The following FBXO16 variants were observed in gnomAD, a reference collection of about 807,000 sequenced individuals.
FBXO16 encodes F-box protein 16.
FBXO16 carries 31 observed loss-of-function variants against 41.0 expected under a neutral mutation model. The observed-to-expected ratio is 0.76, with a 90% CI of 0.57 to 1.02. The LOEUF (loss-of-function observed/expected upper bound fraction) is 1.02. Among genes scored for constraint, FBXO16 ranks in the 50% least tolerant of loss-of-function variants. The pLI is 0.00. For missense variants in FBXO16, 361 were observed against 346.2 expected (o/e 1.04, Z -0.34); for synonymous variants, 133 against 117.8 (o/e 1.13, Z -0.84).
At chr8:28,430,193 C>T (rs1179986821) in intron 7 of FBXO16, among the ~76,000 whole-genome samples, 1 of 152,204 alleles carries the variant, frequency 6.6e-6, no homozygotes, top group Non-Finnish European at 1.5e-5. Context: ...CCACCTCAGC[C>T]TCCCGAGTAG....
intron 7 of FBXO16, among the ~76,000 whole-genome samples, chr8:28,437,407 G>A (rs1029835920): frequency 2.0e-5 from 3 of 152,184 alleles, no homozygotes; most frequent in African/African-American, 4.8e-5. Context: ...GCTCACCTGA[G>A]AGTTGATTTT....
intron 7 of FBXO16, among the ~76,000 whole-genome samples, chr8:28,444,821 C>G (rs1364435880): frequency 8.8e-6 from 1 of 113,210 alleles, no homozygotes; most frequent in Non-Finnish European, 1.7e-5. Context: ...TTAGTAGAGA[C>G]AGGGTTTCAC....
At chr8:28,434,886 G>A (rs1335098654) in intron 7 of FBXO16, among the ~76,000 whole-genome samples, 7 of 152,388 alleles carry the variant, frequency 4.6e-5, no homozygotes, top group South Asian at 2.1e-4. Flanking sequence ...TCAAGGGAAC[G>A]TGGTGGCTCC....
intron 2 of FBXO16, among the ~76,000 whole-genome samples, chr8:28,475,288 T>C (rs1803406499): frequency 6.6e-6 from 1 of 152,190 alleles, no homozygotes; most frequent in Non-Finnish European, 1.5e-5. Flanking sequence ...AAATAACTGG[T>C]TCAACCACCA....
rs549101068 is a variant in FBXO16 at position 28,489,075 on chromosome 8, C to A, written c.-17+1111G>T. On this transcript the variant is annotated intron_variant, in intron 1 of 8. Transcript: ENST00000380254. ...GTGGGGAGCAGTTTAAGGATTAAAA[C>A]TTGTAGAAATGTTTGGGAGGCTGAG... Among the ~76,000 whole-genome samples, 14 of 152,228 alleles carry A rather than the reference C, an allele frequency of 9.2e-5. No homozygotes were observed. The East Asian group carries it at 2.7e-3, about 29-fold the overall frequency.
chr8:28,435,492 T>C (rs1370743373), intron 7 of FBXO16, among the ~76,000 whole-genome samples: 1 of 151,942 alleles, frequency 6.6e-6, no homozygotes, highest in Non-Finnish European at 1.5e-5. Context: ...GGTAATTTTA[T>C]TGAGGACAGA....
chr8:28,476,753 T>C (rs1242761686), intron 2 of FBXO16, among the ~76,000 whole-genome samples: 1 of 152,166 alleles, frequency 6.6e-6, no homozygotes, highest in Non-Finnish European at 1.5e-5. Flanking sequence ...TAATGATTGA[T>C]TGATGGTAAC....
At chr8:28,454,497 G>A (rs1043480810) in intron 5 of FBXO16, among the ~76,000 whole-genome samples, 5 of 151,640 alleles carry the variant, frequency 3.3e-5, no homozygotes, top group Admixed American at 6.6e-5. Flanking sequence ...GGGAGGCCGA[G>A]GCGGGCGGAT....
Position 28,447,240 on chromosome 8 carries a change from G to A in FBXO16, c.774C>T (p.Phe258=), listed in dbSNP as rs993968833. 1 of 1,613,704 alleles carries A rather than the reference G, an allele frequency of 6.2e-7. No individual in the cohort carries two copies. Among genetic ancestry groups the A allele is most frequent in the African/African-American group, 1.3e-5 (1 of 75,042 alleles). Residue 258 remains phenylalanine, a synonymous_variant, in exon 7 of 9, where the codon TTC becomes TTT. Transcript: ENST00000380254. The part of the protein sequence containing the change: ...RRKRNQMTPD[F]SRQSHDKKNK... The stretch of plus-strand genomic sequence containing the variant: ...TTTTCTTATCATGTGACTGTCGGCT[G>A]AAGTCTGGGGTCATTTGGTTTCTTT...
chr8:28,473,669 G>A, intron 3 of FBXO16, 103 bp downstream of exon 3: 1 of 960,244 alleles, frequency 1.0e-6, no homozygotes, highest in Non-Finnish European at 1.6e-6. Flanking sequence ...AGTAAAATAT[G>A]TCTGTTATTT....
At chr8:28,484,841 C>T (rs991137809) in intron 1 of FBXO16, among the ~76,000 whole-genome samples, 1 of 152,024 alleles carries the variant, frequency 6.6e-6, no homozygotes, top group Non-Finnish European at 1.5e-5. Context: ...GATCCACCCC[C>T]CCTGGGCCTC....
At chr8:28,449,475 T>C (rs1802918370) in intron 6 of FBXO16, among the ~76,000 whole-genome samples, 1 of 151,812 alleles carries the variant, frequency 6.6e-6, no homozygotes, top group Admixed American at 6.6e-5. Context: ...GCATGCAACA[T>C]CACATTTGGC....
In FBXO16 at chr8:28,474,475, T is replaced by TGAAAAAACTAAC. The variant is rs1356202998; in HGVS notation, c.100-680_100-669dup. 1.3e-4 allele frequency among the ~76,000 whole-genome samples: 19 copies of TGAAAAAACTAAC among 151,672 alleles called. No homozygotes were observed. The East Asian group carries it at 3.7e-3, about 29-fold the overall frequency. On this transcript the variant is annotated intron_variant, in intron 2 of 8. Coordinates refer to ENST00000380254, the MANE Select transcript of FBXO16 (RefSeq NM_172366.4). ...ATCAATTTTAGAATTTGAAAGGAGA[T>TGAAAAAACTAAC]GAAAAAACTAACGAAAAAACAGGAA...
At chr8:28,456,712 G>A in intron 5 of FBXO16, 54 bp downstream of exon 5, 10 of 1,589,050 alleles carry the variant, frequency 6.3e-6, no homozygotes, top group Non-Finnish European at 8.6e-6. Flanking sequence ...CTTAGTTCTA[G>A]AATTTGCAAA....
chr8:28,447,072 T>C, intron 7 of FBXO16, 99 bp downstream of exon 7: 1 of 1,130,226 alleles, frequency 8.8e-7, no homozygotes, highest in East Asian at 2.4e-5. Context: ...CACTCCATGA[T>C]TCTGATTAAA....
chr8:28,443,445 AGGTTTGGGGGTCAG>A (rs528270367), intron 7 of FBXO16, among the ~76,000 whole-genome samples: 1 of 152,022 alleles, frequency 6.6e-6, no homozygotes, highest in Admixed American at 6.5e-5. Context: ...GTAACCTCCT[AGGTTTGGGGGTCAG>A]GGTTTGGGGG....
chr8:28,428,539 T>G lies in FBXO16; in HGVS notation c.*188A>C. ...ACTGTGCAAAGCATCTTGTCATTTCTATAATAAAAGTCTTTCCATGTTCAG... is the reference window on the plus strand; with the variant it reads ...ACTGTGCAAAGCATCTTGTCATTTCGATAATAAAAGTCTTTCCATGTTCAG... On this transcript the variant is annotated 3_prime_UTR_variant, in exon 9 of 9. Transcript: ENST00000380254. 6 of 1,540,428 alleles carry G rather than the reference T, an allele frequency of 3.9e-6. No individual in the cohort carries two copies. The highest frequency in any genetic ancestry group is 4.4e-6 in the Non-Finnish European group (5 of 1,145,348).
chr8:28,473,390 A>G (rs977554510), intron 3 of FBXO16, among the ~76,000 whole-genome samples: 1 of 152,074 alleles, frequency 6.6e-6, no homozygotes, highest in Non-Finnish European at 1.5e-5. Flanking sequence ...TCAACCCCCC[A>G]GTGTGATGGG....
chr8:28,434,292 A>C (rs780783932), intron 7 of FBXO16, among the ~76,000 whole-genome samples: 5 of 152,138 alleles, frequency 3.3e-5, no homozygotes, highest in Non-Finnish European at 7.3e-5. Context: ...TTGTCCATTC[A>C]TGTTATTTGC....
Sources: allele counts gnomAD v4.1 joint callset (sites outside exome capture counted in the v4.1 genomes callset), GRCh38; gene constraint gnomAD v4.1.1; transcripts MANE v1.5; gene names NCBI Gene and HGNC (gene_info 2026-07-23, HGNC 2026-07-21).